Variants in NUP107 observed in about 807,000 individuals in gnomAD.
NUP107 encodes the protein nuclear pore complex protein Nup107.
NUP107 carries 101 observed loss-of-function variants against 141.0 expected under a neutral mutation model. That is an observed-to-expected ratio of 0.72 (90% CI 0.61 to 0.84). NUP107 has a LOEUF of 0.84. NUP107 is among the 40% of genes least tolerant of loss of function. The pLI is 0.00. For missense variants in NUP107, 941 were observed against 1,102.7 expected (o/e 0.85, Z 2.08); for synonymous variants, 319 against 363.9 (o/e 0.88, Z 1.41).
chr12:68,730,971 CAAAT>C lies in NUP107; in HGVS notation c.1735-133_1735-130del. ...TGACAGAGTGAGACCCTGTCTCAAA[CAAAT>C]AAATATAAAATAAAATTATTCTGTT... On this transcript the variant is annotated intron_variant, in intron 20 of 27. Coordinates refer to ENST00000229179, the MANE Select transcript of NUP107 (RefSeq NM_020401.4). 4 of 538,508 alleles carry C rather than the reference CAAAT, an allele frequency of 7.4e-6. No homozygotes were observed. In the South Asian group the frequency reaches 1.2e-4, roughly 17 times the overall value. 33.4% of individuals were successfully genotyped at this position (538,508 alleles called of 1,614,324 possible). A position where few individuals can be genotyped will look rare whatever the true frequency, so the allele number is the denominator to read the frequency against.
chr12:68,707,017 C>G, intron 8 of NUP107: 1 of 610,352 alleles, frequency 1.6e-6, no homozygotes, highest in Non-Finnish European at 2.9e-6. Context: ...TTGTGAAGAT[C>G]GAGACCCACG....
At chr12:68,732,074 C>T (rs556494601) in intron 22 of NUP107, among the ~76,000 whole-genome samples, 7 of 152,214 alleles carry the variant, frequency 4.6e-5, no homozygotes, top group South Asian at 4.1e-4. Context: ...AAAGGAATCA[C>T]GTGGTTAAGT....
chr12:68,705,468 G>A (rs1413030315), intron 8 of NUP107, among the ~76,000 whole-genome samples: 3 of 147,340 alleles, frequency 2.0e-5, no homozygotes, highest in Admixed American at 6.9e-5. Context: ...ATAGTCAGCC[G>A]AAATTCCTTA....
At position 68,728,205 on chromosome 12, in the gene NUP107, A is replaced by T. The variant is rs1046194760; in HGVS notation, c.1734+816A>T. Among the ~76,000 whole-genome samples the T allele has an allele frequency of 4.7e-5, 7 of 147,834 alleles. No homozygotes were observed. The South Asian group carries it at 1.5e-3, about 32-fold the overall frequency. The stretch of plus-strand genomic sequence containing the variant: ...TCGGGAGGCTGAGGCAGGAAGATCG[A>T]GTGAGCCCAGGAGTTGGAGGTTGCA... On this transcript the variant is annotated intron_variant, in intron 20 of 27. Coordinates refer to ENST00000229179, the MANE Select transcript of NUP107 (RefSeq NM_020401.4).
intron 20 of NUP107, among the ~76,000 whole-genome samples, chr12:68,730,814 C>A (rs1306921281): frequency 6.6e-6 from 1 of 151,854 alleles, no homozygotes; most frequent in East Asian, 1.9e-4. Context: ...AAAAAAAATA[C>A]AAAAAATTAG....
chr12:68,717,465 G>A (rs1191753173), intron 12 of NUP107, among the ~76,000 whole-genome samples: 1 of 151,506 alleles, frequency 6.6e-6, no homozygotes. Context: ...CAATGGTTTT[G>A]GTATATTACA....
At chr12:68,732,779 C>T (rs369972307) in intron 23 of NUP107, 40 bp downstream of exon 23, 5 of 1,303,174 alleles carry the variant, frequency 3.8e-6, no homozygotes, top group African/African-American at 2.9e-5. Context: ...TCCTGGGCTC[C>T]ATTCTTCTTC....
Position 68,722,226 on chromosome 12 carries a change from A to T in NUP107, c.1506+74A>T, listed in dbSNP as rs1021812992. On this transcript the variant is annotated intron_variant, in intron 17 of 27. Coordinates refer to ENST00000229179, the MANE Select transcript of NUP107 (RefSeq NM_020401.4). Reference sequence around the variant, plus strand: ...TATTCTATTGTGCACTGTAGCTGAAAGGAAAAAGGTGGAACTTTCTCCCTT... The same window carrying T: ...TATTCTATTGTGCACTGTAGCTGAATGGAAAAAGGTGGAACTTTCTCCCTT... 4.8e-6 allele frequency: 6 copies of T among 1,245,782 alleles called. No homozygotes were observed. In the South Asian group the frequency reaches 7.6e-5, roughly 16 times the overall value. 77.2% of individuals were successfully genotyped at this position (1,245,782 alleles called of 1,614,324 possible).
At position 68,687,084 on chromosome 12, in the gene NUP107, A is replaced by T. The variant is rs1246820079; in HGVS notation, c.8+11A>T. ...TTTAGCCATGGACAGGTCAGTACTG[A>T]TGGTGGCAGCTGAGCCCGAAGTCTT... On this transcript the variant is annotated intron_variant, in intron 1 of 27. Coordinates refer to ENST00000229179, the MANE Select transcript of NUP107 (RefSeq NM_020401.4). The T allele has an allele frequency of 1.2e-6, 2 of 1,614,006 alleles. No individual in the cohort carries two copies. Among genetic ancestry groups the T allele is most frequent in the Non-Finnish European group, 1.7e-6 (2 of 1,179,894 alleles).
chr12:68,694,746 A>G (rs904369477), intron 5 of NUP107, among the ~76,000 whole-genome samples: 1 of 152,294 alleles, frequency 6.6e-6, no homozygotes. Context: ...TACTAAAAAT[A>G]CAAAATTAGC....
At chr12:68,687,168 A>G in intron 1 of NUP107, 95 bp downstream of exon 1, 2 of 1,557,986 alleles carry the variant, frequency 1.3e-6, no homozygotes, top group Non-Finnish European at 1.8e-6. Context: ...GAAGAAGCCA[A>G]GGAGGTCCCG....
Position 68,700,815 on chromosome 12 carries a change from G to C in NUP107, c.642G>C (p.Gln214His). 1 of 1,608,568 alleles carries C rather than the reference G, an allele frequency of 6.2e-7. No homozygotes were observed. Among genetic ancestry groups the C allele is most frequent in the Non-Finnish European group, 8.5e-7 (1 of 1,178,614 alleles). Reference sequence around the variant, plus strand: ...CCAGTATGCTCTGGCTTCTTCAACAGGAGATGGTCACATGGAGGCTGCTGG... The same window carrying C: ...CCAGTATGCTCTGGCTTCTTCAACACGAGATGGTCACATGGAGGCTGCTGG... ...KTASMLWLLQ[Q>H]EMVTWRLLAS... Residue 214 changes from glutamine (Q) to histidine (H), a missense_variant, in exon 7 of 28, where the codon CAG (glutamine) becomes CAC (histidine). Physicochemically the swap from Gln to His is conservative, Grantham distance 24. Transcript: ENST00000229179.
chr12:68,690,626 T>C lies in NUP107; in HGVS notation c.188-5T>C. ...AGGTTCTTTCTACCAACCTTTTGTT[T>C]ATAGTTACCCCAACAAGCCGAAGCT... On this transcript the variant is annotated splice_region_variant and splice_polypyrimidine_tract_variant and intron_variant, in intron 3 of 27. Coordinates refer to ENST00000229179, the MANE Select transcript of NUP107 (RefSeq NM_020401.4). 6.2e-7 allele frequency: 1 copy of C among 1,614,186 alleles called. No homozygotes were observed.
intron 10 of NUP107, among the ~76,000 whole-genome samples, chr12:68,711,825 C>T (rs1338546379): frequency 1.3e-5 from 2 of 152,200 alleles, no homozygotes; most frequent in African/African-American, 2.4e-5. Flanking sequence ...ACAAATGTAA[C>T]TATTCTGGAC....
At chr12:68,720,595 G>GT (rs1292044878) in intron 14 of NUP107, among the ~76,000 whole-genome samples, 2 of 152,178 alleles carry the variant, frequency 1.3e-5, no homozygotes, top group Non-Finnish European at 2.9e-5. Flanking sequence ...CAGTTATGCA[G>GT]TAAGAGTCTC....
Position 68,705,773 on chromosome 12 carries a change from G to A in NUP107, c.729+2989G>A, listed in dbSNP as rs149480386. 408 of 739,742 alleles carry A rather than the reference G, an allele frequency of 5.5e-4. 2 individuals are homozygous for A. The East Asian group carries it at 9.9e-3, about 18-fold the overall frequency. 45.8% of individuals were successfully genotyped at this position (739,742 alleles called of 1,614,324 possible). On this transcript the variant is annotated intron_variant, in intron 8 of 27. Transcript: ENST00000229179. Reference sequence around the variant, plus strand: ...TCCCGAATGGGCAGCAGCAGTTTCCGGGGTAGCCTGGGTGGAGACTTTGGC... The same window carrying A: ...TCCCGAATGGGCAGCAGCAGTTTCCAGGGTAGCCTGGGTGGAGACTTTGGC...
intron 8 of NUP107, chr12:68,706,061 A>G (rs1876564541): frequency 2.5e-6 from 2 of 792,920 alleles, no homozygotes; most frequent in South Asian, 1.3e-5. Context: ...TTCGAGAGCT[A>G]CATCAACAAA....
chr12:68,735,955 G>A (rs935637226), intron 26 of NUP107, among the ~76,000 whole-genome samples: 20 of 152,304 alleles, frequency 1.3e-4, no homozygotes, highest in East Asian at 7.7e-4. Context: ...GAACTGGAAC[G>A]TATGCTTGAA....
rs907016085 is a variant in NUP107, at chr12:68,702,597, T to G, written c.681-139T>G. 18 of 581,758 alleles carry G rather than the reference T, an allele frequency of 3.1e-5. No homozygotes were observed. The South Asian group carries it at 3.2e-4, about 10-fold the overall frequency. The allele number at this position is 581,758 out of a possible 1,614,324, so 36.0% of individuals were successfully genotyped here. ...CCATTTTTGTTTACAAAAATACAGA[T>G]ATACATATTTGAAAAAATAAATAAT... is the stretch of plus-strand genomic sequence containing the variant. On this transcript the variant is annotated intron_variant, in intron 7 of 27. Coordinates refer to ENST00000229179, the MANE Select transcript of NUP107 (RefSeq NM_020401.4).
Sources: allele counts gnomAD v4.1 joint callset (sites outside exome capture counted in the v4.1 genomes callset), GRCh38; gene constraint gnomAD v4.1.1; transcripts MANE v1.5; gene names NCBI Gene and HGNC (gene_info 2026-07-23, HGNC 2026-07-21).